NUDT3: variants seen among roughly 807,000 people sequenced by gnomAD.
The protein encoded by NUDT3 is nudix hydrolase 3.
A neutral mutation model predicts 23.6 loss-of-function variants in NUDT3; 9 were observed. The observed-to-expected ratio is 0.38, with a 90% CI of 0.23 to 0.66. NUDT3 has a LOEUF of 0.66. NUDT3 is among the 30% of genes least tolerant of loss of function. The probability of loss-of-function intolerance (pLI) is 0.52; values close to 1 mark genes in which losing one functional copy is unlikely to be tolerated. For missense variants in NUDT3, 172 were observed against 218.5 expected, an observed-to-expected ratio of 0.79 and a Z score of 1.34; for synonymous variants, 86 against 82.6, an observed-to-expected ratio of 1.04 and a Z score of -0.22.
intron 1 of NUDT3, among the ~76,000 whole-genome samples, chr6:34,364,884 G>A (rs936330513): frequency 1.4e-4 from 22 of 152,184 alleles, no homozygotes; most frequent in Middle Eastern, 3.4e-3. Flanking sequence ...AGCCGGGCGC[G>A]GTGGCGGGTG....
At chr6:34,292,520 G>C (rs1189655310) in intron 4 of NUDT3, among the ~76,000 whole-genome samples, 1 of 152,034 alleles carries the variant, frequency 6.6e-6, no homozygotes, top group Non-Finnish European at 1.5e-5. Context: ...TCCTTTGGGA[G>C]AAAGTTGGGT....
chr6:34,303,739 T>C (rs1763634429), intron 2 of NUDT3, among the ~76,000 whole-genome samples: 1 of 152,174 alleles, frequency 6.6e-6, no homozygotes, highest in South Asian at 2.1e-4. Flanking sequence ...TCTTTTCTAG[T>C]TTAATTATCG....
chr6:34,387,331 C>T (rs1483827804), intron 1 of NUDT3, among the ~76,000 whole-genome samples: 1 of 152,020 alleles, frequency 6.6e-6, no homozygotes, highest in African/African-American at 2.4e-5. Flanking sequence ...CTCCTGAAGA[C>T]CTCCCAGTGG....
chr6:34,377,418 A>G (rs888239404), intron 1 of NUDT3, among the ~76,000 whole-genome samples: 6 of 152,180 alleles, frequency 3.9e-5, no homozygotes, highest in African/African-American at 1.4e-4. Context: ...CTGTTTTCAT[A>G]AACTTGGATT....
chr6:34,329,561 G>A (rs996234811), intron 2 of NUDT3, among the ~76,000 whole-genome samples: 4 of 152,116 alleles, frequency 2.6e-5, no homozygotes, highest in Admixed American at 6.5e-5. Flanking sequence ...GATTACAGGC[G>A]TGAACCACCG....
intron 1 of NUDT3, among the ~76,000 whole-genome samples, chr6:34,355,077 G>GT (rs1764542181): frequency 6.6e-6 from 1 of 152,004 alleles, no homozygotes; most frequent in African/African-American, 2.4e-5. Context: ...AATAGAAGTG[G>GT]TAAGAGCAGA....
At chr6:34,332,448 A>G (rs1373112081) in intron 2 of NUDT3, among the ~76,000 whole-genome samples, 1 of 152,124 alleles carries the variant, frequency 6.6e-6, no homozygotes, top group Admixed American at 6.5e-5. Flanking sequence ...GCCACCTCAG[A>G]GGCAGAAGTG....
intron 1 of NUDT3, among the ~76,000 whole-genome samples, chr6:34,368,229 A>C (rs1764770177): frequency 6.6e-6 from 1 of 152,170 alleles, no homozygotes; most frequent in Non-Finnish European, 1.5e-5. Flanking sequence ...TCTTCCATAA[A>C]GAATATTGTT....
chr6:34,391,888 G>C (rs1415800155), intron 1 of NUDT3, among the ~76,000 whole-genome samples: 1 of 152,064 alleles, frequency 6.6e-6, no homozygotes. Flanking sequence ...CATGTGCCTG[G>C]CTGACAACTG....
At chr6:34,313,758 C>T (rs995512893) in intron 2 of NUDT3, among the ~76,000 whole-genome samples, 11 of 150,724 alleles carry the variant, frequency 7.3e-5, no homozygotes, top group African/African-American at 2.7e-4. Flanking sequence ...GTCAGGAGAT[C>T]GAGACCATCC....
chr6:34,360,751 G>A (rs1764637948), intron 1 of NUDT3, among the ~76,000 whole-genome samples: 1 of 151,552 alleles, frequency 6.6e-6, no homozygotes, highest in Non-Finnish European at 1.5e-5. Context: ...AAGTTAAAAT[G>A]TACTACATAC....
chr6:34,293,587 A>G (rs1475511953), intron 3 of NUDT3, 52 bp from the exon 4 acceptor site: 1 of 1,605,860 alleles, frequency 6.2e-7, no homozygotes, highest in Admixed American at 1.7e-5. Flanking sequence ...GAAAGCTGGA[A>G]TTACTTAAAT....
chr6:34,392,065 G>A (rs940639004), intron 1 of NUDT3, among the ~76,000 whole-genome samples, 199 bp downstream of exon 1: 7 of 152,068 alleles, frequency 4.6e-5, no homozygotes, highest in African/African-American at 1.7e-4. Flanking sequence ...CTGTGCAGCC[G>A]CACTCAAACC....
intron 2 of NUDT3, among the ~76,000 whole-genome samples, chr6:34,327,151 T>C (rs2113722986): frequency 6.6e-6 from 1 of 152,088 alleles, no homozygotes; most frequent in South Asian, 2.1e-4. Context: ...CACATGATCA[T>C]AGGACAGGGG....
intron 2 of NUDT3, among the ~76,000 whole-genome samples, chr6:34,322,784 T>C (rs1763965351): frequency 6.6e-6 from 1 of 152,194 alleles, no homozygotes; most frequent in African/African-American, 2.4e-5. Flanking sequence ...TGTGGTTATG[T>C]AGGAGACTGG....
At position 34,285,373 on chromosome 6, in the gene NUDT3, T is replaced by G. The variant is rs1043567446; in HGVS notation, c.*3380A>C. 1.3e-5 allele frequency: 2 copies of G among 152,228 alleles called. No homozygotes were observed. The highest frequency in any genetic ancestry group is 4.8e-5 in the African/African-American group (2 of 41,448). The allele number at this position is 152,228 out of a possible 1,614,324, so 9.4% of individuals were successfully genotyped here. A position where few individuals can be genotyped will look rare whatever the true frequency, so the allele number is the denominator to read the frequency against. Reference sequence around the variant, plus strand: ...CCTGGTCCAAAAGATCACATGACCTTACTAGTGTTTCCCCAATGACTGTAA... The same window carrying G: ...CCTGGTCCAAAAGATCACATGACCTGACTAGTGTTTCCCCAATGACTGTAA... On this transcript the variant is annotated 3_prime_UTR_variant, in exon 5 of 5. Coordinates refer to ENST00000607016, the MANE Select transcript of NUDT3 (RefSeq NM_006703.4).
At chr6:34,292,301 C>T (rs773626411) in intron 4 of NUDT3, among the ~76,000 whole-genome samples, 4 of 152,156 alleles carry the variant, frequency 2.6e-5, no homozygotes, top group Admixed American at 6.6e-5. Context: ...AGGGGCATGG[C>T]GGCAAGGCAA....
At chr6:34,362,953 T>C (rs1045204697) in intron 1 of NUDT3, among the ~76,000 whole-genome samples, 10 of 152,180 alleles carry the variant, frequency 6.6e-5, no homozygotes, top group Admixed American at 2.0e-4. Context: ...GCTGCAGCAC[T>C]AGCTACCATG....
At chr6:34,345,891 C>T (rs1764361163) in intron 1 of NUDT3, among the ~76,000 whole-genome samples, 1 of 151,988 alleles carries the variant, frequency 6.6e-6, no homozygotes, top group South Asian at 2.1e-4. Context: ...GCCTCAGCCT[C>T]CCGAGTAGCT....
Sources: allele counts gnomAD v4.1 joint callset (sites outside exome capture counted in the v4.1 genomes callset), GRCh38; gene constraint gnomAD v4.1.1; transcripts MANE v1.5; gene names NCBI Gene and HGNC (gene_info 2026-07-23, HGNC 2026-07-21).